The following CATSPERB variants were observed in gnomAD, a reference collection of about 807,000 sequenced individuals.
CATSPERB encodes the protein cation channel sperm-associated auxiliary subunit beta.
Under a neutral mutation model 128.3 loss-of-function variants are expected in CATSPERB, and 93 were observed. The observed-to-expected ratio is 0.72, with a 90% CI of 0.61 to 0.86. The LOEUF (loss-of-function observed/expected upper bound fraction) is 0.86, where lower values mean the gene tolerates loss of function less well. Among genes scored for constraint, CATSPERB ranks in the 40% least tolerant of loss-of-function variants. The pLI is 0.00. For synonymous variants in CATSPERB, 381 were observed against 448.8 expected (o/e 0.85, Z 1.91); for missense variants, 1,153 against 1,329.5 (o/e 0.87, Z 2.06).
intron 2 of CATSPERB, among the ~76,000 whole-genome samples, chr14:91,726,552 G>T (rs1313612774): frequency 6.6e-6 from 1 of 152,168 alleles, no homozygotes; most frequent in African/African-American, 2.4e-5. Flanking sequence ...CTAGCTTAGG[G>T]TCATCTAGGT....
At chr14:91,682,328 C>T (rs1895296715) in intron 11 of CATSPERB, among the ~76,000 whole-genome samples, 2 of 152,186 alleles carry the variant, frequency 1.3e-5, no homozygotes, top group African/African-American at 2.4e-5. Context: ...ATGCTGTACA[C>T]AGTGGTGTCA....
At chr14:91,703,070 G>T (rs2139853657) in intron 7 of CATSPERB, among the ~76,000 whole-genome samples, 1 of 151,990 alleles carries the variant, frequency 6.6e-6, no homozygotes, top group South Asian at 2.1e-4. Context: ...TTTTTCTACA[G>T]ATCTTTTTGG....
chr14:91,707,683 C>T (rs987738432), intron 6 of CATSPERB, among the ~76,000 whole-genome samples: 6 of 144,758 alleles, frequency 4.1e-5, no homozygotes, highest in African/African-American at 1.5e-4. Flanking sequence ...ACTGTAACCT[C>T]TGCCTCCTGG....
chr14:91,616,545 T>C (rs1397753165), intron 20 of CATSPERB, among the ~76,000 whole-genome samples: 2 of 152,164 alleles, frequency 1.3e-5, no homozygotes, highest in South Asian at 4.1e-4. Context: ...TATTTCTTCC[T>C]CTTAGATGCT....
At chr14:91,705,848 C>T (rs1222578009) in intron 6 of CATSPERB, among the ~76,000 whole-genome samples, 2 of 152,012 alleles carry the variant, frequency 1.3e-5, no homozygotes, top group Non-Finnish European at 2.9e-5. Flanking sequence ...TCAGACAAGG[C>T]GTCACAAATT....
At chr14:91,594,192 C>G (rs1277585127) in intron 22 of CATSPERB, among the ~76,000 whole-genome samples, 1 of 152,096 alleles carries the variant, frequency 6.6e-6, no homozygotes, top group Non-Finnish European at 1.5e-5. Context: ...ATGGATGAAA[C>G]TGGAAACCAT....
chr14:91,599,075 G>C (rs2139766709), intron 22 of CATSPERB, among the ~76,000 whole-genome samples: 1 of 152,122 alleles, frequency 6.6e-6, no homozygotes, highest in East Asian at 1.9e-4. Flanking sequence ...GGATATCAGG[G>C]ATTCATTGGA....
At chr14:91,657,019 A>C (rs540512034) in intron 15 of CATSPERB, among the ~76,000 whole-genome samples, 21 of 152,128 alleles carry the variant, frequency 1.4e-4, no homozygotes, top group Non-Finnish European at 2.5e-4. Context: ...GAAAGCAAAT[A>C]TTATCAGAGC....
chr14:91,688,475 A>G (rs1365339832), intron 10 of CATSPERB, among the ~76,000 whole-genome samples: 3 of 152,048 alleles, frequency 2.0e-5, no homozygotes, highest in Non-Finnish European at 2.9e-5. Context: ...GAATTTTCTT[A>G]ATCTCAGTTA....
chr14:91,590,348 T>C (rs1177168086), intron 23 of CATSPERB, among the ~76,000 whole-genome samples: 1 of 152,032 alleles, frequency 6.6e-6, no homozygotes, highest in Non-Finnish European at 1.5e-5. Flanking sequence ...ATGGCCAACA[T>C]GGTGAAACCC....
rs1225962678 is a variant in CATSPERB at position 91,667,328 on chromosome 14, C to T, written c.1287+2486G>A. On this transcript the variant is annotated intron_variant, in intron 14 of 26. Transcript: ENST00000256343. ...AAAGGGGAAGGAGAGAGGAGAACAG[C>T]AGCATAAGTGTCTGGCAGAGGCAGG... Among the ~76,000 whole-genome samples the T allele has an allele frequency of 2.0e-5, 3 of 151,990 alleles. No homozygotes were observed. In the East Asian group the frequency reaches 5.8e-4, roughly 29 times the overall value.
intron 22 of CATSPERB, chr14:91,605,178 T>A: frequency 1.3e-6 from 2 of 1,526,568 alleles, no homozygotes; most frequent in African/African-American, 1.4e-5. Flanking sequence ...ACAGTCTCCA[T>A]GTGAGGCATC....
chr14:91,640,177 C>A (rs570408721), intron 15 of CATSPERB, among the ~76,000 whole-genome samples: 1 of 152,148 alleles, frequency 6.6e-6, no homozygotes, highest in Non-Finnish European at 1.5e-5. Flanking sequence ...CAGCCTTCCT[C>A]ACCTTCATTA....
At chr14:91,620,722 A>T (rs1246448669) in intron 19 of CATSPERB, among the ~76,000 whole-genome samples, 1 of 152,158 alleles carries the variant, frequency 6.6e-6, no homozygotes, top group Non-Finnish European at 1.5e-5. Context: ...GGGTTGGTTC[A>T]AGGAGCCCTG....
At chr14:91,616,732 CCT>C (rs1893943318) in intron 20 of CATSPERB, among the ~76,000 whole-genome samples, 1 of 129,224 alleles carries the variant, frequency 7.7e-6, no homozygotes, top group African/African-American at 2.9e-5. Flanking sequence ...AAAGTATTCC[CCT>C]TTTTTTTTTT....
intron 19 of CATSPERB, among the ~76,000 whole-genome samples, chr14:91,619,822 CAG>C (rs1297093407): frequency 4.0e-5 from 6 of 150,214 alleles, no homozygotes; most frequent in Admixed American, 4.0e-4. Flanking sequence ...AGTATTCCTA[CAG>C]AGAGTAAATT....
intron 19 of CATSPERB, among the ~76,000 whole-genome samples, chr14:91,619,690 A>G (rs1894006698): frequency 6.6e-6 from 1 of 151,766 alleles, no homozygotes; most frequent in South Asian, 2.1e-4. Context: ...AAATTTTCCT[A>G]TGCCTGTTGA....
chr14:91,589,109 T>C (rs530979059), intron 24 of CATSPERB, among the ~76,000 whole-genome samples: 2 of 152,352 alleles, frequency 1.3e-5, no homozygotes, highest in South Asian at 2.1e-4. Context: ...TATTTTACCA[T>C]AAAACCTTTA....
chr14:91,710,480 A>T, intron 5 of CATSPERB: 1 of 152,164 alleles, frequency 6.6e-6, no homozygotes, highest in East Asian at 1.9e-4. Context: ...CTCTTATTTA[A>T]AGGCTGTTTT....
Sources: allele counts gnomAD v4.1 joint callset (sites outside exome capture counted in the v4.1 genomes callset), GRCh38; gene constraint gnomAD v4.1.1; transcripts MANE v1.5; gene names NCBI Gene and HGNC (gene_info 2026-07-23, HGNC 2026-07-21).